MIS18A: variants seen among roughly 807,000 people sequenced by gnomAD.
MIS18A encodes protein Mis18-alpha.
In MIS18A, 14 loss-of-function variants were observed where a neutral mutation model predicts 25.0. The observed-to-expected ratio is 0.56, with a 90% CI of 0.37 to 0.88. MIS18A has a LOEUF of 0.88. MIS18A is among the 40% of genes least tolerant of loss of function. The pLI is 0.00. For synonymous variants in MIS18A, 134 were observed against 118.6 expected (o/e 1.13, Z -0.84); for missense variants, 292 against 290.8 (o/e 1.00, Z -0.03).
At chr21:32,158,145 C>T in the MIS18A span, among the ~76,000 whole-genome samples, 1 of 152,104 alleles carries the variant, frequency 6.6e-6, no homozygotes, top group African/African-American at 2.4e-5. Context: ...AACAGGCATG[C>T]AGAATTAAAA....
the MIS18A span, among the ~76,000 whole-genome samples, chr21:32,161,476 TTTTGTTTGTTTGTTTG>T: frequency 1.3e-5 from 2 of 150,442 alleles, no homozygotes; most frequent in South Asian, 4.2e-4. Flanking sequence ...GAAGCTTGTT[TTTTGTTTGTTTGTTTG>T]TTTGTTTGTT....
In MIS18A at chr21:32,278,467, C is replaced by T. The variant is rs1601083090; in HGVS notation, c.334+214G>A. On this transcript the variant is annotated intron_variant, in intron 1 of 4. Coordinates refer to ENST00000290130, the MANE Select transcript of MIS18A (RefSeq NM_018944.3). Reference sequence around the variant, plus strand: ...GATTCAACCACTGCTCTTCTGGGATCGGGGACCCCAGAAAAGAACCCACCG... The same window carrying T: ...GATTCAACCACTGCTCTTCTGGGATTGGGGACCCCAGAAAAGAACCCACCG... 2.0e-5 allele frequency: 11 copies of T among 561,136 alleles called. No homozygotes were observed. In the South Asian group the frequency reaches 2.4e-4, roughly 12 times the overall value. The allele number at this position is 561,136 out of a possible 1,614,324, so 34.8% of individuals were successfully genotyped here. A position where few individuals can be genotyped will look rare whatever the true frequency, so the allele number is the denominator to read the frequency against.
At chr21:32,181,835 G>T in the MIS18A span, among the ~76,000 whole-genome samples, 1 of 152,130 alleles carries the variant, frequency 6.6e-6, no homozygotes, top group Non-Finnish European at 1.5e-5. Context: ...GGCAGCAAAG[G>T]GGGCAGAGTG....
Position 32,279,010 on chromosome 21 carries a change from G to A in MIS18A, c.5C>T (p.Ala2Val). Reference protein sequence around the residue: MAGVRSLRCSRG... With the variant: MVGVRSLRCSRG... ...GCTACACCTCAGTGACCGAACGCCTGCCATTACCTACAAATCGCCCGCGCC... is the reference window on the plus strand; with the variant it reads ...GCTACACCTCAGTGACCGAACGCCTACCATTACCTACAAATCGCCCGCGCC... Residue 2 changes from alanine (A) to valine (V), a missense_variant, in exon 1 of 5, where the codon GCA (alanine) becomes GTA (valine). Coordinates refer to ENST00000290130, the MANE Select transcript of MIS18A (RefSeq NM_018944.3). 1 of 1,592,410 alleles carries A rather than the reference G, an allele frequency of 6.3e-7. No individual in the cohort carries two copies. Among genetic ancestry groups the A allele is most frequent in the Non-Finnish European group, 8.6e-7 (1 of 1,169,378 alleles).
At chr21:32,198,918 A>G in the MIS18A span, among the ~76,000 whole-genome samples, 11 of 151,930 alleles carry the variant, frequency 7.2e-5, no homozygotes, top group East Asian at 3.9e-4. Context: ...AAAAAAAAAA[A>G]AAAGAAAGAA....
At chr21:32,191,045 C>T in the MIS18A span, among the ~76,000 whole-genome samples, 1 of 152,166 alleles carries the variant, frequency 6.6e-6, no homozygotes, top group African/African-American at 2.4e-5. Flanking sequence ...GAATGTGTAA[C>T]CTGAGTTCAG....
At chr21:32,278,509 G>A in intron 1 of MIS18A, 172 bp downstream of exon 1, 2 of 682,436 alleles carry the variant, frequency 2.9e-6, no homozygotes, top group Non-Finnish European at 4.7e-6. Context: ...AGCCAAAGTG[G>A]AGGGGTGACC....
downstream of MIS18A, among the ~76,000 whole-genome samples, chr21:32,264,750 T>G (rs1181658486): frequency 6.6e-6 from 1 of 152,218 alleles, no homozygotes; most frequent in Non-Finnish European, 1.5e-5. Context: ...CTAGATCTGA[T>G]TCTGCAACGG....
the MIS18A span, among the ~76,000 whole-genome samples, chr21:32,199,889 C>G: frequency 6.6e-6 from 1 of 152,134 alleles, no homozygotes. Flanking sequence ...GAGTCAGAAC[C>G]TATATTTCTA....
At chr21:32,164,533 A>T in the MIS18A span, among the ~76,000 whole-genome samples, 2 of 152,170 alleles carry the variant, frequency 1.3e-5, no homozygotes, top group Non-Finnish European at 2.9e-5. Flanking sequence ...TTCTAGACCA[A>T]TATGGCTGTT....
chr21:32,238,356 A>T, the MIS18A span, among the ~76,000 whole-genome samples: 1 of 152,210 alleles, frequency 6.6e-6, no homozygotes, highest in Admixed American at 6.5e-5. Context: ...AAGTCCAAGA[A>T]GTCTCTCAGG....
At chr21:32,257,787 T>C in the MIS18A span, among the ~76,000 whole-genome samples, 1 of 152,184 alleles carries the variant, frequency 6.6e-6, no homozygotes, top group Non-Finnish European at 1.5e-5. Context: ...GGACTCCCAG[T>C]GTGCTGGAAC....
the MIS18A span, among the ~76,000 whole-genome samples, chr21:32,174,313 T>C: frequency 6.6e-6 from 1 of 152,184 alleles, no homozygotes; most frequent in Non-Finnish European, 1.5e-5. Context: ...GCATGCTGCT[T>C]ATAAGATGCT....
At chr21:32,244,866 A>G in the MIS18A span, among the ~76,000 whole-genome samples, 1 of 152,232 alleles carries the variant, frequency 6.6e-6, no homozygotes, top group Non-Finnish European at 1.5e-5. Context: ...AAGCAACCAT[A>G]TTTTAAAAGT....
At chr21:32,159,424 G>T in the MIS18A span, among the ~76,000 whole-genome samples, 1 of 152,332 alleles carries the variant, frequency 6.6e-6, no homozygotes, top group Admixed American at 6.5e-5. Context: ...TTTAGCTGTT[G>T]TCATTTAAGC....
the MIS18A span, among the ~76,000 whole-genome samples, chr21:32,190,932 C>T: frequency 7.9e-5 from 12 of 152,220 alleles, no homozygotes; most frequent in African/African-American, 2.9e-4. Flanking sequence ...CTGTGTCATA[C>T]ATACATTCCC....
chr21:32,224,849 G>A, the MIS18A span, among the ~76,000 whole-genome samples: 6 of 147,328 alleles, frequency 4.1e-5, no homozygotes, highest in Admixed American at 1.4e-4. Context: ...GAACAAAGCT[G>A]GAGGCATCAC....
chr21:32,165,970 T>G, the MIS18A span, among the ~76,000 whole-genome samples: 11 of 152,200 alleles, frequency 7.2e-5, no homozygotes, highest in Admixed American at 5.9e-4. Context: ...TTCTCACTCC[T>G]GCAAAGCTGA....
chr21:32,205,337 C>T, the MIS18A span, among the ~76,000 whole-genome samples: 5 of 151,942 alleles, frequency 3.3e-5, no homozygotes, highest in Admixed American at 6.6e-5. Flanking sequence ...AACTCCTGAC[C>T]TTGTGATCTG....
Sources: allele counts gnomAD v4.1 joint callset (sites outside exome capture counted in the v4.1 genomes callset), GRCh38; gene constraint gnomAD v4.1.1; transcripts MANE v1.5; gene names NCBI Gene and HGNC (gene_info 2026-07-23, HGNC 2026-07-21).